GPAM: variants seen among roughly 807,000 people sequenced by gnomAD.
The protein encoded by GPAM is glycerol-3-phosphate acyltransferase, mitochondrial.
A neutral mutation model predicts 105.0 loss-of-function variants in GPAM; 56 were observed. The ratio of observed to expected loss-of-function variants is 0.53; its 90% CI spans 0.43 to 0.67. The LOEUF (loss-of-function observed/expected upper bound fraction) is 0.67, where lower values mean the gene tolerates loss of function less well. Among genes scored for constraint, GPAM ranks in the 30% least tolerant of loss-of-function variants. GPAM has a pLI of 0.00. For missense variants in GPAM, 855 were observed against 989.8 expected, an observed-to-expected ratio of 0.86 and a Z score of 1.83; for synonymous variants, 368 against 354.4, an observed-to-expected ratio of 1.04 and a Z score of -0.43.
chr10:112,187,061 C>A (rs531341134), upstream of GPAM, among the ~76,000 whole-genome samples: 1 of 152,178 alleles, frequency 6.6e-6, no homozygotes, highest in South Asian at 2.1e-4. Context: ...TACTTTAACT[C>A]CTAAAGCAAC....
intron 9 of GPAM, among the ~76,000 whole-genome samples, chr10:112,169,387 GA>G (rs1482577138): frequency 1.3e-5 from 2 of 152,142 alleles, no homozygotes; most frequent in Non-Finnish European, 2.9e-5. Flanking sequence ...CTCCTTGGGG[GA>G]AATTTTCTCA....
chr10:112,178,572 AAAAC>A (rs35719646), intron 4 of GPAM, among the ~76,000 whole-genome samples: 102,832 of 150,990 alleles, frequency 0.68, 35,182 homozygotes, highest in South Asian at 0.83. Flanking sequence ...ACAAAAACAA[AAAAC>A]AAACAAACAA....
chr10:112,151,453 A>G lies in GPAM; in HGVS notation c.*2097T>C. The G allele has an allele frequency of 1.0e-6, 1 of 985,822 alleles. No homozygotes were observed. Among genetic ancestry groups the G allele is most frequent in the Non-Finnish European group, 1.2e-6 (1 of 829,886 alleles). The allele number at this position is 985,822 out of a possible 1,614,324, so 61.1% of individuals were successfully genotyped here. On this transcript the variant is annotated 3_prime_UTR_variant, in exon 22 of 22. Coordinates refer to ENST00000348367, the MANE Select transcript of GPAM (RefSeq NM_001244949.2). ...TTTCTCCCTTAAAAAAGATTTTCAA[A>G]GCACCAGTTAATTACAAAAAGCATG...
intron 15 of GPAM, among the ~76,000 whole-genome samples, chr10:112,161,282 C>T (rs564221510): frequency 6.6e-6 from 1 of 152,284 alleles, no homozygotes; most frequent in South Asian, 2.1e-4. Flanking sequence ...CTGGTGTGGT[C>T]TCTTCCATCA....
At chr10:112,173,610 A>G (rs1847351270) in intron 7 of GPAM, 89 bp downstream of exon 7, 12 of 1,187,768 alleles carry the variant, frequency 1.0e-5, no homozygotes, top group Middle Eastern at 1.9e-4. Context: ...GGACAAAGAG[A>G]ACTGTGCTAG....
chr10:112,210,337 A>G (rs1847897751), intron 1 of GPAM, among the ~76,000 whole-genome samples: 1 of 152,186 alleles, frequency 6.6e-6, no homozygotes, highest in South Asian at 2.1e-4. Flanking sequence ...CTATGACTCC[A>G]CCATCAAACA....
At position 112,150,207 on chromosome 10, in the gene GPAM, A is replaced by G. The variant is rs1395152154; in HGVS notation, c.*3343T>C. Reference sequence around the variant, plus strand: ...GTTTTAAAAAACAGGTTTACAGCCCATAGTAAGTCTTAGAAACCTCAACGA... The same window carrying G: ...GTTTTAAAAAACAGGTTTACAGCCCGTAGTAAGTCTTAGAAACCTCAACGA... On this transcript the variant is annotated 3_prime_UTR_variant, in exon 22 of 22. Coordinates refer to ENST00000348367, the MANE Select transcript of GPAM (RefSeq NM_001244949.2). 2.0e-6 allele frequency: 2 copies of G among 984,936 alleles called. No homozygotes were observed. The highest frequency in any genetic ancestry group is 2.4e-6 in the Non-Finnish European group (2 of 829,508). The allele number at this position is 984,936 out of a possible 1,614,324, so 61.0% of individuals were successfully genotyped here. A position where few individuals can be genotyped will look rare whatever the true frequency, so the allele number is the denominator to read the frequency against.
chr10:112,189,193 T>G (rs766085932), intron 1 of GPAM, among the ~76,000 whole-genome samples: 1 of 152,234 alleles, frequency 6.6e-6, no homozygotes, highest in Non-Finnish European at 1.5e-5. Flanking sequence ...GGAAGTAGTT[T>G]GGCATGAATT....
chr10:112,200,285 C>T (rs941564613), intron 1 of GPAM, among the ~76,000 whole-genome samples: 10 of 141,658 alleles, frequency 7.1e-5, no homozygotes, highest in Admixed American at 1.5e-4. Context: ...TTTCCTTCAA[C>T]AACTATACTG....
intron 19 of GPAM, chr10:112,156,979 GGTATGCACCTGT>G: frequency 1.7e-6 from 1 of 597,326 alleles, no homozygotes; most frequent in East Asian, 2.8e-5. Flanking sequence ...TAGGTAAACA[GGTATGCACCTGT>G]GTATTTCATA....
intron 20 of GPAM, chr10:112,155,426 C>A (rs755705926): frequency 8.3e-4 from 154 of 185,134 alleles, no homozygotes; most frequent in Admixed American, 3.3e-3. Flanking sequence ...CCAGAGCCTA[C>A]AACCAGGCAA....
At chr10:112,170,312 C>A (rs1193278533) in intron 9 of GPAM, among the ~76,000 whole-genome samples, 1 of 152,114 alleles carries the variant, frequency 6.6e-6, no homozygotes, top group Non-Finnish European at 1.5e-5. Flanking sequence ...AAAAATAACA[C>A]CTGAGAAGTG....
At chr10:112,189,876 T>TTAC (rs2133280854) in intron 1 of GPAM, among the ~76,000 whole-genome samples, 1 of 152,300 alleles carries the variant, frequency 6.6e-6, no homozygotes, top group African/African-American at 2.4e-5. Flanking sequence ...TTGTCTTCTG[T>TTAC]TACTCTCGGG....
chr10:112,174,103 T>TGACAACTATGG (rs1465789063), intron 6 of GPAM, among the ~76,000 whole-genome samples: 13 of 151,998 alleles, frequency 8.6e-5, no homozygotes, highest in Admixed American at 8.5e-4. Flanking sequence ...ATTTACTGGG[T>TGACAACTATGG]GAATTTGAAT....
chr10:112,161,662 C>A lies in GPAM; in HGVS notation c.1494+5G>T. Reference sequence around the variant, plus strand: ...ACTTAACTGCAGGTGACATTGCAGACATACCTGCCTGTGTCTGTAGAGGAG... The same window carrying A: ...ACTTAACTGCAGGTGACATTGCAGAAATACCTGCCTGTGTCTGTAGAGGAG... On this transcript the variant is annotated splice_donor_5th_base_variant and intron_variant, in intron 15 of 21. Coordinates refer to ENST00000348367, the MANE Select transcript of GPAM (RefSeq NM_001244949.2). 6.2e-7 allele frequency: 1 copy of A among 1,609,206 alleles called. No homozygotes were observed.
At chr10:112,209,097 C>A (rs1259859299) in intron 1 of GPAM, among the ~76,000 whole-genome samples, 3 of 152,142 alleles carry the variant, frequency 2.0e-5, no homozygotes, top group Non-Finnish European at 4.4e-5. Flanking sequence ...CTCTATGGTC[C>A]GGTCACATTT....
In GPAM at chr10:112,151,113, GTT is replaced by G. The variant is rs559477400; in HGVS notation, c.*2435_*2436del. The G allele has an allele frequency of 3.9e-5, 29 of 739,056 alleles. No individual in the cohort carries two copies. The highest frequency in any genetic ancestry group is 7.7e-5 in the African/African-American group (4 of 51,974). 45.8% of individuals were successfully genotyped at this position (739,056 alleles called of 1,614,324 possible). ...CTGCAGTTTCATGTTGTTTAATATT[GTT>G]TTTTTTTTTTAACTTGACCACAGTC... On this transcript the variant is annotated 3_prime_UTR_variant, in exon 22 of 22. Transcript: ENST00000348367.
At chr10:112,177,722 T>C (rs533702830) in intron 5 of GPAM, among the ~76,000 whole-genome samples, 3 of 152,324 alleles carry the variant, frequency 2.0e-5, no homozygotes, top group East Asian at 3.9e-4. Context: ...GCATACTTCA[T>C]ATGCAAATCA....
At chr10:112,175,553 C>A (rs777886406) in intron 6 of GPAM, 47 bp downstream of exon 6, 6 of 947,082 alleles carry the variant, frequency 6.3e-6, no homozygotes, top group South Asian at 1.3e-5. Flanking sequence ...CCACTCCTAC[C>A]GCCCATCCCT....
Sources: gnomAD v4.1 joint callset for allele counts (sites outside exome capture counted in the v4.1 genomes callset) on GRCh38, gnomAD v4.1.1 for gene constraint, MANE v1.5 for transcripts, NCBI Gene and HGNC (gene_info 2026-07-23, HGNC 2026-07-21) for gene names.